BPIFC: variants seen among roughly 807,000 people sequenced by gnomAD.
BPIFC encodes BPI fold-containing family C protein.
BPIFC carries 60 observed loss-of-function variants against 57.6 expected under a neutral mutation model. The ratio of observed to expected loss-of-function variants is 1.04; its 90% CI spans 0.85 to 1.29. BPIFC has a LOEUF of 1.29. Among genes scored for constraint, BPIFC ranks in the 50% most tolerant of loss-of-function variants. The probability of loss-of-function intolerance (pLI) is 0.00; values close to 1 mark genes in which losing one functional copy is unlikely to be tolerated. For synonymous variants in BPIFC, 243 were observed against 224.5 expected, an observed-to-expected ratio of 1.08 and a Z score of -0.74; for missense variants, 581 against 600.5, an observed-to-expected ratio of 0.97 and a Z score of 0.34.
intron 1 of BPIFC, among the ~76,000 whole-genome samples, chr22:32,463,964 GATT>G (rs1935210976): frequency 6.6e-6 from 1 of 152,180 alleles, no homozygotes; most frequent in Non-Finnish European, 1.5e-5. Context: ...AAAGCACAGA[GATT>G]ATAACAACTC....
chr22:32,415,443 G>A (rs1240130579), intron 16 of BPIFC, among the ~76,000 whole-genome samples: 1 of 152,166 alleles, frequency 6.6e-6, no homozygotes, highest in African/African-American at 2.4e-5. Context: ...ATGATGAGCC[G>A]GAAAACGATT....
At chr22:32,443,226 C>T (rs550844873) in intron 7 of BPIFC, among the ~76,000 whole-genome samples, 29 of 150,488 alleles carry the variant, frequency 1.9e-4, no homozygotes, top group Admixed American at 1.3e-3. Context: ...TGCAGTGGCG[C>T]GATCTCGGCT....
chr22:32,455,977 G>C (rs972337680), intron 3 of BPIFC, among the ~76,000 whole-genome samples: 3 of 152,200 alleles, frequency 2.0e-5, no homozygotes, highest in Non-Finnish European at 4.4e-5. Context: ...ACTAAGTGTA[G>C]GTAGGTAGGC....
Position 32,437,852 on chromosome 22 carries a change from CTAAA to C in BPIFC, c.656-5_656-2del. 2.5e-6 allele frequency: 4 copies of C among 1,592,274 alleles called. No individual in the cohort carries two copies. The highest frequency in any genetic ancestry group is 3.4e-6 in the Non-Finnish European group (4 of 1,161,594). On this transcript the variant is annotated splice_acceptor_variant and splice_polypyrimidine_tract_variant and intron_variant, in intron 8 of 16. Transcript: ENST00000300399. LOFTEE classifies it high-confidence loss of function. ...GTGTAGTTGTCAATCTTGGTTAAAA[CTAAA>C]TAACCAACAAAGAAAAAAGAAAATC...
Position 32,446,651 on chromosome 22 carries a change from C to T in BPIFC, c.374+561G>A, listed in dbSNP as rs1007103098. 14 of 657,880 alleles carry T rather than the reference C, an allele frequency of 2.1e-5. No individual in the cohort carries two copies. The Admixed American group carries it at 3.8e-4, about 18-fold the overall frequency. The allele number at this position is 657,880 out of a possible 1,614,324, so 40.8% of individuals were successfully genotyped here. On this transcript the variant is annotated intron_variant, in intron 5 of 16. Transcript: ENST00000300399. ...CTTAGTGGAAGAATGAATGTGTTATCCTGTGGCACCAACCAAGGCAGACCT... is the reference window on the plus strand; with the variant it reads ...CTTAGTGGAAGAATGAATGTGTTATTCTGTGGCACCAACCAAGGCAGACCT...
Position 32,442,693 on chromosome 22 carries a change from A to C in BPIFC, c.633T>G (p.Asn211Lys). 1 of 1,614,086 alleles carries C rather than the reference A, an allele frequency of 6.2e-7. No homozygotes were observed. Among genetic ancestry groups the C allele is most frequent in the South Asian group, 1.1e-5 (1 of 91,038 alleles). ...CACCCTCCAGTGTGCTGAGGTTGGCATTTAGCGCTTTGACTTCACTTGCAA... is the reference window on the plus strand; with the variant it reads ...CACCCTCCAGTGTGCTGAGGTTGGCCTTTAGCGCTTTGACTTCACTTGCAA... ...PIIASEVKAL[N>K]ANLSTLEVLT... The change falls in exon 8 of 17, where the codon AAT (asparagine) becomes AAG (lysine). Residue 211 changes from asparagine to lysine, a missense_variant. Transcript: ENST00000300399.
intron 13 of BPIFC, among the ~76,000 whole-genome samples, chr22:32,426,551 G>A (rs1377647843): frequency 1.3e-5 from 2 of 152,180 alleles, no homozygotes; most frequent in African/African-American, 4.8e-5. Flanking sequence ...ACCCTCACTT[G>A]TGCTTAGAAG....
rs1490550340 is a variant in BPIFC, at chr22:32,447,329, C to T, written c.257G>A (p.Ser86Asn). The T allele has an allele frequency of 6.2e-7, 1 of 1,613,514 alleles. No individual in the cohort carries two copies. Among genetic ancestry groups the T allele is most frequent in the East Asian group, 2.2e-5 (1 of 44,882 alleles). The change falls in exon 5 of 17, where the codon AGT becomes AAT. Residue 86 changes from serine to asparagine, a missense_variant. Physicochemically the swap from Ser to Asn is conservative, Grantham distance 46. Transcript: ENST00000300399. The part of the protein sequence containing the change: ...VNYNFSNIKI[S>N]AFSFPNTSLA... Reference sequence around the variant, plus strand: ...TGAGGTATTTGGAAATGAAAAGGCACTGATTTTTATACTGTAAAACCAGAA... The same window carrying T: ...TGAGGTATTTGGAAATGAAAAGGCATTGATTTTTATACTGTAAAACCAGAA...
intron 14 of BPIFC, 47 bp from the exon 15 acceptor site, chr22:32,417,195 T>G (rs1418703431): frequency 7.1e-7 from 1 of 1,400,234 alleles, no homozygotes; most frequent in Non-Finnish European, 1.0e-6. Context: ...CGGGCTTTTT[T>G]TTTTTTTTTT....
chr22:32,461,513 C>T, intron 2 of BPIFC, 61 bp downstream of exon 2: 1 of 898,828 alleles, frequency 1.1e-6, no homozygotes, highest in Non-Finnish European at 1.3e-6. Context: ...TAAAGCCCTC[C>T]ATGTCCTGAG....
chr22:32,424,689 CT>C (rs1296403649), intron 13 of BPIFC, among the ~76,000 whole-genome samples: 6 of 78,972 alleles, frequency 7.6e-5, no homozygotes, highest in Admixed American at 1.3e-4. Context: ...TCTTCTTCTT[CT>C]TCCTCTTCTT....
intron 4 of BPIFC, among the ~76,000 whole-genome samples, chr22:32,452,991 GT>G (rs1161393329): frequency 6.6e-6 from 1 of 152,120 alleles, no homozygotes; most frequent in African/African-American, 2.4e-5. Context: ...CGACAAACTT[GT>G]TTGGTTGGAA....
At chr22:32,453,230 G>A (rs947915658) in intron 4 of BPIFC, 153 bp downstream of exon 4, 15 of 521,594 alleles carry the variant, frequency 2.9e-5, no homozygotes, top group Non-Finnish European at 4.1e-5. Context: ...GAGCCATGAG[G>A]CAAACTTGAG....
At chr22:32,429,275 C>G (rs533600768) in intron 13 of BPIFC, among the ~76,000 whole-genome samples, 1 of 151,594 alleles carries the variant, frequency 6.6e-6, no homozygotes, top group African/African-American at 2.4e-5. Context: ...GGCGCCATCT[C>G]GGCTCACTGC....
At chr22:32,430,869 C>T (rs183556417) in intron 13 of BPIFC, among the ~76,000 whole-genome samples, 127 of 152,152 alleles carry the variant, frequency 8.3e-4, no homozygotes, top group Middle Eastern at 3.4e-3. Context: ...GCTCAAACTC[C>T]TGGCCTCAAG....
At chr22:32,456,116 G>A (rs1469466828) in intron 3 of BPIFC, among the ~76,000 whole-genome samples, 2 of 152,338 alleles carry the variant, frequency 1.3e-5, no homozygotes, top group Admixed American at 6.5e-5. Context: ...TAATGACTCT[G>A]CTCCAGAAGG....
At chr22:32,452,537 G>A (rs1420852507) in intron 4 of BPIFC, among the ~76,000 whole-genome samples, 1 of 151,978 alleles carries the variant, frequency 6.6e-6, no homozygotes, top group Non-Finnish European at 1.5e-5. Context: ...TACTTGGGAG[G>A]CTGAGGCAGG....
In BPIFC at chr22:32,457,161, G is replaced by T. The variant is rs911271893; in HGVS notation, c.124+102C>A. On this transcript the variant is annotated intron_variant, in intron 3 of 16. Coordinates refer to ENST00000300399, the MANE Select transcript of BPIFC (RefSeq NM_174932.3). The stretch of plus-strand genomic sequence containing the variant: ...GTACTGGATCACCCCACAGTACGGC[G>T]TTTCTCAGTCAGGAGACAGCCCATG... 1.9e-5 allele frequency: 26 copies of T among 1,366,614 alleles called. No individual in the cohort carries two copies. The East Asian group carries it at 4.2e-4, about 22-fold the overall frequency. The allele number at this position is 1,366,614 out of a possible 1,614,324, so 84.7% of individuals were successfully genotyped here. A position where few individuals can be genotyped will look rare whatever the true frequency, so the allele number is the denominator to read the frequency against.
At chr22:32,432,277 C>T (rs1270848157) in intron 12 of BPIFC, 96 bp downstream of exon 12, 28 of 1,346,430 alleles carry the variant, frequency 2.1e-5, no homozygotes, top group Non-Finnish European at 2.1e-6. Flanking sequence ...TGTAGCATCC[C>T]CACCCTCTTC....
Sources: gnomAD v4.1 joint callset for allele counts (sites outside exome capture counted in the v4.1 genomes callset) on GRCh38, gnomAD v4.1.1 for gene constraint, MANE v1.5 for transcripts, NCBI Gene and HGNC (gene_info 2026-07-23, HGNC 2026-07-21) for gene names.